DBF4B: variants seen among roughly 807,000 people sequenced by gnomAD.
DBF4B encodes protein DBF4 homolog B.
DBF4B carries 49 observed loss-of-function variants against 53.4 expected under a neutral mutation model. The ratio of observed to expected loss-of-function variants is 0.92; its 90% CI spans 0.73 to 1.16. The LOEUF (loss-of-function observed/expected upper bound fraction) is 1.16, where lower values mean the gene tolerates loss of function less well. DBF4B is among the 50% of genes most tolerant of loss of function. The pLI, the probability that DBF4B is intolerant of heterozygous loss-of-function variation, is 0.00. For synonymous variants in DBF4B, 257 were observed against 288.7 expected, an observed-to-expected ratio of 0.89 and a Z score of 1.11; for missense variants, 692 against 775.0, an observed-to-expected ratio of 0.89 and a Z score of 1.27.
In DBF4B at chr17:44,729,998, TGCCCTA is replaced by T. The variant is rs766024979; in HGVS notation, c.330_335del (p.Pro112_Ser113del). ...GAGCAGTGGGAAAAGCCATAGAGGC[TGCCCTA>T]GCCCTAGCCCCAGTGAGGTCAGAGT... On this transcript the variant is annotated inframe_deletion, in exon 4 of 14. Coordinates refer to ENST00000315005, the MANE Select transcript of DBF4B (RefSeq NM_145663.3). 6.2e-7 allele frequency: 1 copy of T among 1,613,746 alleles called. No homozygotes were observed. Among genetic ancestry groups the T allele is most frequent in the Non-Finnish European group, 8.5e-7 (1 of 1,180,032 alleles).
intron 13 of DBF4B, chr17:44,750,251 CT>C: frequency 9.6e-7 from 1 of 1,042,236 alleles, no homozygotes; most frequent in African/African-American, 1.7e-5. Flanking sequence ...TCTCTGGCCA[CT>C]TTTTCTTTCA....
intron 9 of DBF4B, among the ~76,000 whole-genome samples, chr17:44,740,190 C>T (rs1975861968): frequency 6.6e-6 from 1 of 152,168 alleles, no homozygotes; most frequent in Admixed American, 6.5e-5. Context: ...AAGAAAGAAA[C>T]ATGCCAGGGT....
chr17:44,722,311 C>G (rs527842409), intron 2 of DBF4B, among the ~76,000 whole-genome samples: 3 of 152,220 alleles, frequency 2.0e-5, no homozygotes, highest in South Asian at 4.1e-4. Context: ...TTACCAAATG[C>G]AGAGGTTGGG....
intron 3 of DBF4B, among the ~76,000 whole-genome samples, chr17:44,724,722 G>A (rs1312103166): frequency 5.9e-5 from 9 of 152,168 alleles, no homozygotes; most frequent in Non-Finnish European, 1.0e-4. Flanking sequence ...GCTCATACCT[G>A]TGATCTCAAC....
chr17:44,732,525 C>A, intron 6 of DBF4B: 1 of 453,662 alleles, frequency 2.2e-6, no homozygotes. Context: ...CAGCTCTCCC[C>A]CAGCTAGTAT....
Position 44,732,219 on chromosome 17 carries a change from C to T in DBF4B, c.510C>T (p.Leu170=), listed in dbSNP as rs780965469. 3 of 1,614,116 alleles carry T rather than the reference C, an allele frequency of 1.9e-6. No individual in the cohort carries two copies. The African/African-American group carries it at 4.0e-5, about 22-fold the overall frequency. Reference sequence around the variant, plus strand: ...GAGGCAGTGGGGGCAGCAGCAGCCTCCTGACCAATGCCCGCTCTTGGGGAG... The same window carrying T: ...GAGGCAGTGGGGGCAGCAGCAGCCTTCTGACCAATGCCCGCTCTTGGGGAG... ...SGGGSGGSSS[L]LTNARSWGVR... is the part of the protein sequence containing the mutation. The change falls in exon 6 of 14, where the codon CTC becomes CTT. Residue 170 remains leucine (L), a synonymous_variant. Transcript: ENST00000315005.
intron 7 of DBF4B, among the ~76,000 whole-genome samples, chr17:44,735,450 A>G (rs147252330): frequency 6.6e-6 from 1 of 152,336 alleles, no homozygotes; most frequent in Non-Finnish European, 1.5e-5. Context: ...AGGCAGGTGA[A>G]TCGCTTGAGG....
chr17:44,730,786 T>C (rs1013095964), intron 4 of DBF4B, among the ~76,000 whole-genome samples, 179 bp from the exon 5 acceptor site: 3 of 152,228 alleles, frequency 2.0e-5, no homozygotes, highest in Non-Finnish European at 2.9e-5. Context: ...CCTGTGGCTT[T>C]ACCTTTACCT....
chr17:44,736,272 C>T (rs947234842), intron 7 of DBF4B, among the ~76,000 whole-genome samples: 2 of 152,080 alleles, frequency 1.3e-5, no homozygotes, highest in African/African-American at 4.8e-5. Flanking sequence ...ACGTGAGCCA[C>T]CACGCCCGGC....
At chr17:44,731,043 C>T (rs532460024) in intron 5 of DBF4B, 28 bp downstream of exon 5, 43 of 1,613,670 alleles carry the variant, frequency 2.7e-5, no homozygotes, top group African/African-American at 5.3e-5. Flanking sequence ...GGGACAGAGC[C>T]GGTGGTCTCC....
chr17:44,730,447 A>T (rs1031963989), intron 4 of DBF4B, among the ~76,000 whole-genome samples: 3 of 152,194 alleles, frequency 2.0e-5, no homozygotes, highest in Non-Finnish European at 2.9e-5. Flanking sequence ...GCTTGCATGT[A>T]TGAAGGGCCA....
intron 2 of DBF4B, among the ~76,000 whole-genome samples, chr17:44,716,071 G>T (rs996551981): frequency 6.6e-6 from 1 of 151,366 alleles, no homozygotes; most frequent in African/African-American, 2.4e-5. Flanking sequence ...TAATCCACCC[G>T]CCTCGGCCTC....
In DBF4B at chr17:44,749,243, C is replaced by G. The variant is rs1420458594; in HGVS notation, c.1189+778C>G. ...CAGCCTCTCCAGGTGCCCTGTCTCC[C>G]TGTCTCCCAGCCCTGGTCCCAACCC... On this transcript the variant is annotated intron_variant, in intron 13 of 13. Transcript: ENST00000315005. The surrounding 1 kb of genome is among the most constrained non-coding windows in gnomAD (Gnocchi z 4.4). The G allele has an allele frequency of 1.4e-5, 18 of 1,290,570 alleles. No homozygotes were observed. The highest frequency in any genetic ancestry group is 1.7e-5 in the Non-Finnish European group (17 of 988,892). 79.9% of individuals were successfully genotyped at this position (1,290,570 alleles called of 1,614,324 possible).
chr17:44,750,092 G>A (rs992365033), intron 13 of DBF4B: 31 of 995,570 alleles, frequency 3.1e-5, no homozygotes, highest in African/African-American at 7.0e-5. Context: ...CTGCCTGCCC[G>A]AAGTTCGGCT....
At chr17:44,708,991 T>A in intron 1 of DBF4B, 152 bp downstream of exon 1, 1 of 1,081,394 alleles carries the variant, frequency 9.2e-7, no homozygotes, top group South Asian at 1.6e-5. Context: ...CCACAGGAGT[T>A]GAGGGGACCG....
At chr17:44,747,013 T>C in intron 10 of DBF4B, 70 bp from the exon 11 acceptor site, 1 of 1,434,496 alleles carries the variant, frequency 7.0e-7, no homozygotes, top group Non-Finnish European at 9.8e-7. Flanking sequence ...GGCTCCAGGC[T>C]CTAAGTAGTG....
rs1428587450 is a variant in DBF4B, at chr17:44,734,152, A to G, written c.619A>G (p.Lys207Glu). ...TTTATGTGTGAAAAAACAACAGCCAAAGAAGCCAGAGGTAGGTCATCCTGC... is the reference window on the plus strand; with the variant it reads ...TTTATGTGTGAAAAAACAACAGCCAGAGAAGCCAGAGGTAGGTCATCCTGC... ...ASLCVKKQQP[K>E]KPEGTCPAAE... Residue 207 changes from lysine to glutamate, a missense_variant, in exon 7 of 14, where the codon AAG becomes GAG. Lys to Glu is a moderately conservative substitution (Grantham distance 56). This residue lies in a region of DBF4B where 597 missense variants were observed against 665.8 expected (regional missense o/e 0.90). Coordinates refer to ENST00000315005, the MANE Select transcript of DBF4B (RefSeq NM_145663.3). 3.7e-6 allele frequency: 6 copies of G among 1,614,194 alleles called. No individual in the cohort carries two copies. The highest frequency in any genetic ancestry group is 2.2e-5 in the South Asian group (2 of 91,080).
At chr17:44,732,304 G>C in intron 6 of DBF4B, 39 bp downstream of exon 6, 1 of 1,606,066 alleles carries the variant, frequency 6.2e-7, no homozygotes, top group Non-Finnish European at 8.5e-7. Flanking sequence ...AGGGAGAATT[G>C]GTGACTTTGA....
chr17:44,721,214 CT>C (rs1000222818), intron 2 of DBF4B, among the ~76,000 whole-genome samples: 2 of 96,236 alleles, frequency 2.1e-5, no homozygotes, highest in Admixed American at 1.7e-4. Flanking sequence ...CCAACTAATT[CT>C]TCCCCCCCCC....
Sources: allele counts gnomAD v4.1 joint callset (sites outside exome capture counted in the v4.1 genomes callset), GRCh38; gene constraint gnomAD v4.1.1; regional missense constraint gnomAD v4.1.1; non-coding constraint Gnocchi (gnomAD v3.1); transcripts MANE v1.5; gene names NCBI Gene and HGNC (gene_info 2026-07-23, HGNC 2026-07-21).